RNF24: variants seen among roughly 807,000 people sequenced by gnomAD.
RNF24 encodes ring finger protein 24.
RNF24 carries 14 observed loss-of-function variants against 20.0 expected under a neutral mutation model. The observed-to-expected ratio is 0.70, with a 90% CI of 0.46 to 1.10. RNF24 has a LOEUF of 1.10. Ranked by LOEUF, RNF24 falls within the 50% of genes least tolerant of loss-of-function variation. The pLI is 0.00. For missense variants in RNF24, 124 were observed against 177.6 expected, an observed-to-expected ratio of 0.70 and a Z score of 1.71; for synonymous variants, 45 against 61.1, an observed-to-expected ratio of 0.74 and a Z score of 1.23.
In RNF24 at chr20:3,988,501, C is replaced by T. The variant is rs200624287; in HGVS notation, c.-7-24477G>A. Among the ~76,000 whole-genome samples the T allele has an allele frequency of 2.3e-4, 34 of 148,832 alleles. No homozygotes were observed. In the East Asian group the frequency reaches 5.9e-3, roughly 26 times the overall value. ...TTGAGACATGGTCTTGCTCTGTAGC[C>T]CAGGTTGGAATGCAGAGGTGCAATC... On this transcript the variant is annotated intron_variant, in intron 1 of 5. Transcript: ENST00000358395.
chr20:3,997,268 T>C (rs1474199722), intron 1 of RNF24, among the ~76,000 whole-genome samples: 1 of 151,826 alleles, frequency 6.6e-6, no homozygotes, highest in Non-Finnish European at 1.5e-5. Context: ...CATTTTAATC[T>C]TATTTTAAGC....
chr20:3,989,916 GT>G (rs1433303311), intron 1 of RNF24, among the ~76,000 whole-genome samples: 3 of 151,720 alleles, frequency 2.0e-5, no homozygotes, highest in Non-Finnish European at 4.4e-5. Flanking sequence ...AGATTTTGAG[GT>G]TGTTTGTTAC....
chr20:3,948,365 A>G, intron 2 of RNF24, 86 bp from the exon 3 acceptor site: 1 of 893,564 alleles, frequency 1.1e-6, no homozygotes. Flanking sequence ...TTTTGGTATT[A>G]ATTTATAACA....
chr20:3,969,463 A>G (rs1297967495), intron 1 of RNF24, among the ~76,000 whole-genome samples: 1 of 151,822 alleles, frequency 6.6e-6, no homozygotes, highest in Non-Finnish European at 1.5e-5. Flanking sequence ...TCCCAGACTT[A>G]GAGCTGGCAA....
chr20:3,974,008 TACA>T (rs1369801363), intron 1 of RNF24, among the ~76,000 whole-genome samples: 1 of 151,738 alleles, frequency 6.6e-6, no homozygotes, highest in Non-Finnish European at 1.5e-5. Context: ...AATAGAATTT[TACA>T]ACACCATGAC....
At position 3,928,642 on chromosome 20, in the gene RNF24, AG is replaced by A. The variant is rs1276253240; in HGVS notation, c.*5420del. ...CGTGGTGGCGGGCACCTGTTGTCCCAGCTCCCGAGGCGGGAGAATGGCGTGA... is the reference window on the plus strand; with the variant it reads ...CGTGGTGGCGGGCACCTGTTGTCCCACTCCCGAGGCGGGAGAATGGCGTGA... On this transcript the variant is annotated 3_prime_UTR_variant, in exon 6 of 6. Coordinates refer to ENST00000358395, the MANE Select transcript of RNF24 (RefSeq NM_001134337.3). The A allele has an allele frequency of 6.8e-6, 1 of 147,268 alleles. No individual in the cohort carries two copies. Among genetic ancestry groups the A allele is most frequent in the Non-Finnish European group, 1.5e-5 (1 of 66,968 alleles). The allele number at this position is 147,268 out of a possible 1,614,324, so 9.1% of individuals were successfully genotyped here.
At chr20:3,981,140 A>C (rs547464248) in intron 1 of RNF24, among the ~76,000 whole-genome samples, 2 of 151,988 alleles carry the variant, frequency 1.3e-5, no homozygotes, top group Admixed American at 1.3e-4. Context: ...TATTTTTCTC[A>C]ACGTAAATAT....
intron 1 of RNF24, among the ~76,000 whole-genome samples, chr20:3,998,389 G>A (rs1320400483): frequency 6.6e-6 from 1 of 151,530 alleles, no homozygotes; most frequent in Non-Finnish European, 1.5e-5. Flanking sequence ...AGCCTGACCA[G>A]TATGGTGAAA....
intron 4 of RNF24, among the ~76,000 whole-genome samples, chr20:3,939,021 G>A (rs1600625248): frequency 6.6e-6 from 1 of 152,080 alleles, no homozygotes; most frequent in Non-Finnish European, 1.5e-5. Context: ...CCAACGTGTT[G>A]GGATTACAGG....
In RNF24 at chr20:3,932,706, A is replaced by G; in HGVS notation, c.*1357T>C. The G allele has an allele frequency of 2.6e-6, 1 of 390,484 alleles. No individual in the cohort carries two copies. Among genetic ancestry groups the G allele is most frequent in the Non-Finnish European group, 4.5e-6 (1 of 221,470 alleles). The allele number at this position is 390,484 out of a possible 1,614,324, so 24.2% of individuals were successfully genotyped here. On this transcript the variant is annotated 3_prime_UTR_variant, in exon 6 of 6. Transcript: ENST00000358395. ...ATGGAGTGGAGCAAAGCAGTTGACG[A>G]GGAATTGAGGCAGGCGCTCCTAAGA...
chr20:3,971,413 C>T (rs993667827), intron 1 of RNF24, among the ~76,000 whole-genome samples: 1 of 152,076 alleles, frequency 6.6e-6, no homozygotes, highest in Non-Finnish European at 1.5e-5. Flanking sequence ...AGAAAAGGAA[C>T]CTTGGAACAT....
chr20:3,934,130 T>C lies in RNF24; in HGVS notation c.380A>G (p.Gln127Arg). Residue 127 changes from glutamine (Q) to arginine (R), a missense_variant, in exon 6 of 6, where the codon CAG (glutamine) becomes CGG (arginine). Gln to Arg is a conservative substitution (Grantham distance 43, BLOSUM62 1). Coordinates refer to ENST00000358395, the MANE Select transcript of RNF24 (RefSeq NM_001134337.3). This position sits in a 1 kb window ranked among gnomAD's most constrained non-coding sequence, Gnocchi z 4.0. ...LCNMPVLQLA[Q>R]LHSKQDRGPP... is the part of the protein sequence containing the mutation. ...TCCACGGTCCTGCTTACTGTGCAACTGGGCCAGCTGTAGAACTGGCATGTT... is the reference window on the plus strand; with the variant it reads ...TCCACGGTCCTGCTTACTGTGCAACCGGGCCAGCTGTAGAACTGGCATGTT... The C allele has an allele frequency of 6.3e-7, 1 of 1,583,990 alleles. No homozygotes were observed. Among genetic ancestry groups the C allele is most frequent in the Non-Finnish European group, 8.6e-7 (1 of 1,165,944 alleles).
intron 3 of RNF24, among the ~76,000 whole-genome samples, chr20:3,947,053 T>C (rs1383311950): frequency 6.6e-6 from 1 of 151,964 alleles, no homozygotes; most frequent in African/African-American, 2.4e-5. Context: ...TAGCTGGGCG[T>C]TGTGGCAGAT....
chr20:3,975,724 TAAGAGG>T (rs1978811663), intron 1 of RNF24, among the ~76,000 whole-genome samples: 2 of 152,038 alleles, frequency 1.3e-5, no homozygotes, highest in Non-Finnish European at 2.9e-5. Flanking sequence ...GGTGTCTTTA[TAAGAGG>T]AAAAGAGACA....
intron 2 of RNF24, among the ~76,000 whole-genome samples, chr20:3,959,233 A>G (rs559407854): frequency 2.4e-4 from 37 of 152,198 alleles, no homozygotes; most frequent in Non-Finnish European, 5.1e-4. Flanking sequence ...GTGCCCATTC[A>G]TTTTCTATCT....
intron 1 of RNF24, chr20:3,974,508 C>A: frequency 8.8e-7 from 1 of 1,130,544 alleles, no homozygotes; most frequent in Non-Finnish European, 1.2e-6. Context: ...AACAAAATCC[C>A]AAAGAATCTT....
At chr20:3,976,647 C>T (rs6116140) in intron 1 of RNF24, among the ~76,000 whole-genome samples, 1,558 of 152,130 alleles carry the variant, frequency 0.01, 17 homozygotes, top group African/African-American at 0.035. Context: ...AATGGGTGAA[C>T]GATTAAACAA....
chr20:3,963,772 T>A, intron 2 of RNF24, 103 bp downstream of exon 2: 1 of 907,382 alleles, frequency 1.1e-6, no homozygotes, highest in Admixed American at 2.9e-5. Flanking sequence ...TTTTTAAAAA[T>A]TTGCCAATTA....
intron 1 of RNF24, among the ~76,000 whole-genome samples, chr20:3,988,687 G>C (rs1980147270): frequency 6.6e-6 from 1 of 152,030 alleles, no homozygotes; most frequent in African/African-American, 2.4e-5. Context: ...TGGAATTCTT[G>C]AGCTCAAGGG....
Sources: allele counts gnomAD v4.1 joint callset (sites outside exome capture counted in the v4.1 genomes callset), GRCh38; gene constraint gnomAD v4.1.1; non-coding constraint Gnocchi (gnomAD v3.1); transcripts MANE v1.5; gene names NCBI Gene and HGNC (gene_info 2026-07-23, HGNC 2026-07-21).